PPP2R5C: variants seen among roughly 807,000 people sequenced by gnomAD.
PPP2R5C encodes the protein protein phosphatase 2 regulatory subunit B'gamma, also known as serine/threonine-protein phosphatase 2A 56 kDa regulatory subunit gamma isoform.
PPP2R5C carries 7 observed loss-of-function variants against 68.9 expected under a neutral mutation model. The observed-to-expected ratio is 0.10, with a 90% confidence interval of 0.06 to 0.19. The LOEUF is 0.19. Among genes scored for constraint, PPP2R5C ranks in the 10% least tolerant of loss-of-function variants. The pLI, the probability that PPP2R5C is intolerant of heterozygous loss-of-function variation, is 1.00. For synonymous variants in PPP2R5C, 210 were observed against 222.2 expected (o/e 0.95, Z 0.49); for missense variants, 348 against 641.3 (o/e 0.54, Z 4.94).
Position 101,919,970 on chromosome 14 carries a change from A to C in PPP2R5C, c.1443+2023A>C, listed in dbSNP as rs112296561. Reference sequence around the variant, plus strand: ...GGCAAGAAAAGCAAAACTCCGTCTCAAAAAAAAAAAAAAAAAAAAAAACCA... The same window carrying C: ...GGCAAGAAAAGCAAAACTCCGTCTCCAAAAAAAAAAAAAAAAAAAAAACCA... On this transcript the variant is annotated intron_variant, in intron 13 of 13. Coordinates refer to ENST00000334743, the Ensembl canonical transcript of PPP2R5C. Among the ~76,000 whole-genome samples the C allele has an allele frequency of 3.5e-3, 233 of 65,670 alleles. 1 individual carries two copies. Among genetic ancestry groups the C allele is most frequent in the East Asian group, 0.019 (29 of 1,560 alleles). 43.1% of individuals were successfully genotyped at this position (65,670 alleles called of 152,430 possible).
intron 1 of PPP2R5C, chr14:101,823,746 G>A (rs956125118): frequency 8.7e-6 from 9 of 1,038,698 alleles, no homozygotes; most frequent in African/African-American, 3.3e-5. Context: ...TCTGACTCAC[G>A]GTTCTGGGCT....
intron 2 of PPP2R5C, among the ~76,000 whole-genome samples, chr14:101,857,341 C>A (rs1346447039): frequency 6.6e-6 from 1 of 152,094 alleles, no homozygotes; most frequent in Non-Finnish European, 1.5e-5. Context: ...CAGAATAGTT[C>A]ATGCTGATTG....
At chr14:101,875,135 G>A (rs1444278168) in intron 2 of PPP2R5C, among the ~76,000 whole-genome samples, 1 of 152,224 alleles carries the variant, frequency 6.6e-6, no homozygotes, top group Non-Finnish European at 1.5e-5. Context: ...AATTTTCAAT[G>A]TTGTGGTTCT....
At chr14:101,885,518 G>T (rs1015951127) in intron 5 of PPP2R5C, among the ~76,000 whole-genome samples, 2 of 141,598 alleles carry the variant, frequency 1.4e-5, no homozygotes, top group Non-Finnish European at 3.0e-5. Context: ...CACAGCCTGC[G>T]TCAGGAGCAC....
intron 1 of PPP2R5C, among the ~76,000 whole-genome samples, chr14:101,842,062 AG>A (rs1200327049): frequency 6.6e-6 from 1 of 152,136 alleles, no homozygotes; most frequent in Non-Finnish European, 1.5e-5. Flanking sequence ...GGAAAACAGA[AG>A]TTCAGTGGCA....
intron 2 of PPP2R5C, among the ~76,000 whole-genome samples, chr14:101,864,244 A>G (rs1283065927): frequency 6.6e-6 from 1 of 152,176 alleles, no homozygotes; most frequent in Non-Finnish European, 1.5e-5. Context: ...CAGAAAAGGA[A>G]TTGCTTGGAT....
chr14:101,773,659 C>A (rs1331775981), intron 2 of PPP2R5C, among the ~76,000 whole-genome samples: 1 of 152,094 alleles, frequency 6.6e-6, no homozygotes, highest in Non-Finnish European at 1.5e-5. Flanking sequence ...CCTGCCTAGA[C>A]AGGGTTTTGG....
rs1045989982 is a variant in PPP2R5C at position 101,915,498 on chromosome 14, G to A, written c.1327-2333G>A. Among the ~76,000 whole-genome samples the A allele has an allele frequency of 1.3e-5, 2 of 152,208 alleles. No homozygotes were observed. The highest frequency in any genetic ancestry group is 2.9e-5 in the Non-Finnish European group (2 of 68,032). On this transcript the variant is annotated intron_variant, in intron 12 of 13. Transcript: ENST00000334743. The surrounding 1 kb of genome is among the most constrained non-coding windows in gnomAD (Gnocchi z 4.2). ...GTGTAGGGACACTCTCCTTTGCCCC[G>A]AGGGCCAGAGAGCCGTGCTCCAAGC...
chr14:101,856,938 C>T, intron 2 of PPP2R5C, 53 bp downstream of exon 4: 2 of 1,533,394 alleles, frequency 1.3e-6, no homozygotes, highest in Non-Finnish European at 1.8e-6. Flanking sequence ...ATAAACAGGA[C>T]AGGCCAAGAT....
intron 5 of PPP2R5C, among the ~76,000 whole-genome samples, chr14:101,885,790 A>C (rs1408602829): frequency 6.6e-6 from 1 of 152,190 alleles, no homozygotes; most frequent in Admixed American, 6.5e-5. Context: ...ATTCCTTTTT[A>C]ACAAGATCAT....
chr14:101,924,443 A>ATTTTTTTTTTTTTT (rs2047175999), intron 13 of PPP2R5C, among the ~76,000 whole-genome samples: 3 of 56,854 alleles, frequency 5.3e-5, no homozygotes, highest in African/African-American at 2.5e-4. Context: ...AAATTTCTAC[A>ATTTTTTTTTTTTTT]TCTTTTTTTT....
intron 9 of PPP2R5C, among the ~76,000 whole-genome samples, chr14:101,904,695 A>ACACCG (rs1406851235): frequency 6.6e-6 from 1 of 152,060 alleles, no homozygotes; most frequent in Non-Finnish European, 1.5e-5. Context: ...CCACCCATAC[A>ACACCG]CACCGCACCA....
chr14:101,813,078 T>C (rs189003032), intron 1 of PPP2R5C, among the ~76,000 whole-genome samples: 1 of 152,348 alleles, frequency 6.6e-6, no homozygotes, highest in Admixed American at 6.5e-5. Context: ...CCAGGAGAAC[T>C]GTCTGCTGTG....
chr14:101,837,580 C>T (rs1041741076), intron 1 of PPP2R5C, among the ~76,000 whole-genome samples: 4 of 152,156 alleles, frequency 2.6e-5, no homozygotes, highest in Non-Finnish European at 4.4e-5. Flanking sequence ...AACACACAGG[C>T]GGAAACCAGG....
At chr14:101,893,242 G>A in intron 7 of PPP2R5C, 134 bp downstream of exon 9, 1 of 566,756 alleles carries the variant, frequency 1.8e-6, no homozygotes, top group Admixed American at 3.4e-5. Flanking sequence ...ACAAACTTCT[G>A]GTGATAATCG....
intron 2 of PPP2R5C, among the ~76,000 whole-genome samples, chr14:101,780,732 C>T (rs2037637605): frequency 6.6e-6 from 1 of 152,216 alleles, no homozygotes; most frequent in Admixed American, 6.5e-5. Context: ...AAAAATACTT[C>T]TTAAGTGGCA....
intron 8 of PPP2R5C, among the ~76,000 whole-genome samples, chr14:101,898,447 G>T (rs1038731009): frequency 6.6e-6 from 1 of 152,110 alleles, no homozygotes; most frequent in Non-Finnish European, 1.5e-5. Flanking sequence ...CTCTTCCACC[G>T]AAAAGTAACA....
At chr14:101,836,058 A>G in intron 1 of PPP2R5C, 1 of 607,778 alleles carries the variant, frequency 1.6e-6, no homozygotes, top group South Asian at 2.0e-5. Context: ...AAGATAAAAT[A>G]CAATGGGAAA....
At chr14:101,863,262 T>C (rs2042861596) in intron 2 of PPP2R5C, among the ~76,000 whole-genome samples, 1 of 151,620 alleles carries the variant, frequency 6.6e-6, no homozygotes, top group African/African-American at 2.4e-5. Flanking sequence ...GAGCCGAGAT[T>C]GAGCCACTGC....
Sources: gnomAD v4.1 joint callset for allele counts (sites outside exome capture counted in the v4.1 genomes callset) on GRCh38, gnomAD v4.1.1 for gene constraint, Gnocchi (gnomAD v3.1) non-coding constraint, MANE v1.5 for transcripts, NCBI Gene and HGNC (gene_info 2026-07-23, HGNC 2026-07-21) for gene names.